The following UBE4B variants were observed in gnomAD, a reference collection of about 807,000 sequenced individuals.
UBE4B encodes the protein ubiquitin conjugation factor E4 B.
Under a neutral mutation model 148.1 loss-of-function variants are expected in UBE4B, and 27 were observed. The observed-to-expected ratio is 0.18, with a 90% CI of 0.13 to 0.25. UBE4B has a LOEUF of 0.25. Among genes scored for constraint, UBE4B ranks in the 10% least tolerant of loss-of-function variants. The pLI is 1.00. For synonymous variants in UBE4B, 596 were observed against 619.3 expected, an observed-to-expected ratio of 0.96 and a Z score of 0.56; for missense variants, 1,170 against 1,662.4, an observed-to-expected ratio of 0.70 and a Z score of 5.15.
Position 10,179,899 on chromosome 1 carries a change from A to G in UBE4B, c.3852A>G (p.Pro1284=). Residue 1284 remains proline, a synonymous_variant, in exon 28 of 28, where the codon CCA becomes CCG. Coordinates refer to ENST00000343090, the MANE Select transcript of UBE4B (RefSeq NM_001105562.3). ...CTCCTTTTTTTCTTTTCTCAGTGCC[A>G]GAACTGAAAGAGCAGATTCAGGCGT... The part of the protein sequence containing the change: ...TLTESMLEPV[P]ELKEQIQAWM... The G allele has an allele frequency of 6.2e-7, 1 of 1,613,998 alleles. No individual in the cohort carries two copies. The highest frequency in any genetic ancestry group is 1.1e-5 in the South Asian group (1 of 91,082).
At chr1:10,142,023 A>G (rs1312605208) in intron 17 of UBE4B, among the ~76,000 whole-genome samples, 1 of 150,614 alleles carries the variant, frequency 6.6e-6, no homozygotes, top group African/African-American at 2.5e-5. Flanking sequence ...GGAGATAAGA[A>G]TTTAAAATCT....
At chr1:10,153,018 T>G (rs989442642) in intron 21 of UBE4B, among the ~76,000 whole-genome samples, 1 of 151,814 alleles carries the variant, frequency 6.6e-6, no homozygotes, top group Non-Finnish European at 1.5e-5. Context: ...TTGCTAGCTC[T>G]GGGGGTACGA....
intron 1 of UBE4B, among the ~76,000 whole-genome samples, chr1:10,064,593 T>C (rs1644348492): frequency 6.6e-6 from 1 of 152,146 alleles, no homozygotes; most frequent in African/African-American, 2.4e-5. Context: ...ATCATTATCA[T>C]TACCCTTCAG....
chr1:10,133,865 C>T (rs1479655441), intron 15 of UBE4B, among the ~76,000 whole-genome samples: 2 of 150,934 alleles, frequency 1.3e-5, no homozygotes, highest in Non-Finnish European at 3.0e-5. Context: ...GCCTGGGCAA[C>T]ATAGGGAGAC....
chr1:10,102,959 G>C lies in UBE4B; in HGVS notation c.447G>C (p.Ser149=), dbSNP rs144504061. 6.2e-7 allele frequency: 1 copy of C among 1,604,572 alleles called. No individual in the cohort carries two copies. Among genetic ancestry groups the C allele is most frequent in the Non-Finnish European group, 8.5e-7 (1 of 1,173,366 alleles). ...TTCTTCTTCACCAGGAGCCTTCCTC[G>C]GGCCCTGAAGTGTCTGAAGAGCAGG... ...KRSLSDKEPS[S]GPEVSEEQAL... Residue 149 remains serine (S), a synonymous_variant, in exon 5 of 28, where the codon TCG becomes TCC. Transcript: ENST00000343090.
At chr1:10,175,704 C>T (rs1273823197) in intron 25 of UBE4B, among the ~76,000 whole-genome samples, 1 of 151,986 alleles carries the variant, frequency 6.6e-6, no homozygotes, top group Admixed American at 6.6e-5. Flanking sequence ...ATAAAAATCC[C>T]ATCAGTCACA....
intron 2 of UBE4B, 36 bp downstream of exon 2, chr1:10,072,250 ATTC>A (rs771715272): frequency 2.5e-6 from 4 of 1,591,268 alleles, no homozygotes; most frequent in Middle Eastern, 1.7e-4. Context: ...CTCTTTTGTA[ATTC>A]TTCTTAGCTT....
chr1:10,139,449 G>A (rs546232516), intron 17 of UBE4B, among the ~76,000 whole-genome samples: 2 of 152,058 alleles, frequency 1.3e-5, no homozygotes, highest in South Asian at 2.1e-4. Flanking sequence ...ATGTTCCCTG[G>A]AAGAGTTTAT....
At position 10,179,959 on chromosome 1, in the gene UBE4B, C is replaced by T. The variant is rs977834519; in HGVS notation, c.*3C>T. The T allele has an allele frequency of 1.2e-5, 19 of 1,613,940 alleles. No homozygotes were observed. The highest frequency in any genetic ancestry group is 5.3e-5 in the African/African-American group (4 of 74,898). ...AGAAACAGAACAGCGATCACTAAAC[C>T]GTTCCGCCGCCCACCCTCTGCTAGA... On this transcript the variant is annotated 3_prime_UTR_variant, in exon 28 of 28. Transcript: ENST00000343090.
At chr1:10,153,101 T>G (rs942454666) in intron 21 of UBE4B, among the ~76,000 whole-genome samples, 3 of 151,980 alleles carry the variant, frequency 2.0e-5, no homozygotes, top group Non-Finnish European at 4.4e-5. Context: ...TTGTTTCTCC[T>G]TCAGTTTTCC....
Position 10,135,084 on chromosome 1 carries a change from C to T in UBE4B, c.2122C>T (p.Pro708Ser). The change falls in exon 16 of 28, where the codon CCC (proline) becomes TCC (serine). Residue 708 changes from proline to serine, a missense_variant. By Grantham distance (74) the Pro-to-Ser change is moderately conservative (BLOSUM62 -1). Transcript: ENST00000343090. The stretch of plus-strand genomic sequence containing the variant: ...AAAAATCAAGTTAGAAACAGTTGAT[C>T]CCACGTATATTTTTCACCCAAGATG... ...STKIKLETVD[P>S]TYIFHPRCRI... 1 of 1,613,980 alleles carries T rather than the reference C, an allele frequency of 6.2e-7. No homozygotes were observed. The highest frequency in any genetic ancestry group is 8.5e-7 in the Non-Finnish European group (1 of 1,180,000).
At chr1:10,059,487 G>T (rs981298499) in intron 1 of UBE4B, 11 of 215,866 alleles carry the variant, frequency 5.1e-5, no homozygotes, top group African/African-American at 2.3e-5. Flanking sequence ...AGCCTTGGGA[G>T]GCTCTCCCGG....
intron 2 of UBE4B, among the ~76,000 whole-genome samples, chr1:10,087,190 C>G (rs920327447): frequency 1.3e-5 from 2 of 152,136 alleles, no homozygotes; most frequent in African/African-American, 2.4e-5. Flanking sequence ...GTAGGCTGCA[C>G]AGATGCCAGT....
chr1:10,076,892 G>A (rs771911074), intron 2 of UBE4B, among the ~76,000 whole-genome samples: 4 of 151,532 alleles, frequency 2.6e-5, no homozygotes, highest in African/African-American at 9.7e-5. Flanking sequence ...GATTACAGGC[G>A]CCTGCCACCA....
At chr1:10,046,107 G>C (rs1421547202) in intron 1 of UBE4B, among the ~76,000 whole-genome samples, 1 of 152,194 alleles carries the variant, frequency 6.6e-6, no homozygotes, top group Non-Finnish European at 1.5e-5. Context: ...CCAGAGAGGG[G>C]AGGGGAGGTC....
chr1:10,095,976 G>A (rs1362427836), intron 3 of UBE4B, among the ~76,000 whole-genome samples: 1 of 152,208 alleles, frequency 6.6e-6, no homozygotes, highest in East Asian at 1.9e-4. Flanking sequence ...TTCAGCTGTT[G>A]GCCAGGCTGG....
chr1:10,103,616 T>TG (rs397714098), intron 5 of UBE4B, among the ~76,000 whole-genome samples: 74 of 148,940 alleles, frequency 5.0e-4, no homozygotes, highest in African/African-American at 1.7e-3. Flanking sequence ...TAGTTTTTTT[T>TG]GTTTGTTTTG....
intron 18 of UBE4B, among the ~76,000 whole-genome samples, chr1:10,146,345 G>A (rs751477663): frequency 2.0e-5 from 3 of 152,114 alleles, no homozygotes; most frequent in Admixed American, 6.6e-5. Flanking sequence ...TCTGCCATTC[G>A]GGAGACTGAG....
chr1:10,093,952 C>T (rs369645708), intron 2 of UBE4B, among the ~76,000 whole-genome samples: 26 of 152,264 alleles, frequency 1.7e-4, no homozygotes, highest in East Asian at 1.2e-3. Flanking sequence ...TCCTCGGCCC[C>T]TCAAAGTGCT....
Sources: gnomAD v4.1 joint callset for allele counts (sites outside exome capture counted in the v4.1 genomes callset) on GRCh38, gnomAD v4.1.1 for gene constraint, MANE v1.5 for transcripts, NCBI Gene and HGNC (gene_info 2026-07-23, HGNC 2026-07-21) for gene names.